The following LY9 variants were observed in gnomAD, a reference collection of about 807,000 sequenced individuals.
LY9 encodes lymphocyte antigen 9.
LY9 carries 59 observed loss-of-function variants against 64.6 expected under a neutral mutation model. The observed-to-expected ratio is 0.91, with a 90% CI of 0.74 to 1.13. The LOEUF (loss-of-function observed/expected upper bound fraction) is 1.13, where lower values mean the gene tolerates loss of function less well. Ranked by LOEUF, LY9 falls within the 50% of genes most tolerant of loss-of-function variation. The pLI, the probability that LY9 is intolerant of heterozygous loss-of-function variation, is 0.00. For missense variants in LY9, 789 were observed against 797.2 expected (o/e 0.99, Z 0.12); for synonymous variants, 281 against 308.5 (o/e 0.91, Z 0.93).
At chr1:160,825,423 G>T (rs1668798098) in intron 9 of LY9, among the ~76,000 whole-genome samples, 1 of 152,156 alleles carries the variant, frequency 6.6e-6, no homozygotes, top group African/African-American at 2.4e-5. Flanking sequence ...AGGTGACAAA[G>T]ATAGTACTTG....
intron 6 of LY9, among the ~76,000 whole-genome samples, chr1:160,818,786 TA>T (rs1388827187): frequency 6.6e-6 from 1 of 152,132 alleles, no homozygotes. Context: ...CCACACATAC[TA>T]ACAGCTCCGA....
At chr1:160,804,536 C>T (rs1470663997) in intron 2 of LY9, among the ~76,000 whole-genome samples, 1 of 151,702 alleles carries the variant, frequency 6.6e-6, no homozygotes, top group East Asian at 1.9e-4. Flanking sequence ...GGAATATTGG[C>T]CTGTAGTTTT....
chr1:160,800,056 A>G lies in LY9; in HGVS notation c.428A>G (p.Glu143Gly). The G allele has an allele frequency of 6.2e-7, 1 of 1,613,902 alleles. No homozygotes were observed. Among genetic ancestry groups the G allele is most frequent in the Non-Finnish European group, 8.5e-7 (1 of 1,179,784 alleles). The change falls in exon 2 of 10, where the codon GAG becomes GGG. Residue 143 changes from glutamate (E) to glycine (G), a missense_variant. Glu to Gly is a moderately conservative substitution (Grantham distance 98). Coordinates refer to ENST00000263285, the MANE Select transcript of LY9 (RefSeq NM_002348.4). ...CAAAGGAATTTTGAAGTCACCACTG[A>G]GGAGGAATTCACCCTGTTCGTCTAT... Reference protein sequence around the residue: ...INQRNFEVTTEEEFTLFVYEQ... With the variant: ...INQRNFEVTTGEEFTLFVYEQ...
At position 160,814,447 on chromosome 1, in the gene LY9, C is replaced by CG; in HGVS notation, c.763dup (p.Glu255GlyfsTer31). 4 of 1,612,654 alleles carry CG rather than the reference C, an allele frequency of 2.5e-6. No individual in the cohort carries two copies. Among genetic ancestry groups the CG allele is most frequent in the Non-Finnish European group, 3.4e-6 (4 of 1,179,208 alleles). ...CCAGGAGCCTCCAGAGGAGGAACAA[C>CG]GGGGGAGACTGTGGTAGGGGTCCTG... On this transcript the variant is annotated frameshift_variant, in exon 4 of 10. Transcript: ENST00000263285. LOFTEE classifies it high-confidence loss of function.
chr1:160,814,078 G>T (rs993293056), intron 3 of LY9, among the ~76,000 whole-genome samples, 167 bp downstream of exon 3: 2 of 152,222 alleles, frequency 1.3e-5, no homozygotes, highest in African/African-American at 2.4e-5. Context: ...AGGCTGGCAG[G>T]ACTTGGGAAA....
chr1:160,817,947 T>C (rs1314353503), intron 5 of LY9, among the ~76,000 whole-genome samples: 1 of 152,148 alleles, frequency 6.6e-6, no homozygotes, highest in African/African-American at 2.4e-5. Context: ...GGATCTGCAC[T>C]CGAACCTCAG....
At chr1:160,811,698 C>T (rs2101788932) in intron 2 of LY9, 1 of 152,316 alleles carries the variant, frequency 6.6e-6, no homozygotes, top group African/African-American at 2.4e-5. Context: ...TTTCCAGTAA[C>T]ATATTTCTAA....
At chr1:160,818,669 A>G (rs1177227589) in intron 6 of LY9, among the ~76,000 whole-genome samples, 1 of 152,054 alleles carries the variant, frequency 6.6e-6, no homozygotes, top group East Asian at 1.9e-4. Flanking sequence ...TTTCATCTCT[A>G]CTGTGTATTT....
intron 9 of LY9, 105 bp from the exon 10 acceptor site, chr1:160,827,643 C>T (rs1306911923): frequency 2.4e-6 from 2 of 838,626 alleles, no homozygotes; most frequent in Non-Finnish European, 3.7e-6. Flanking sequence ...GACTCTACTT[C>T]TGTAGGATGG....
At chr1:160,814,924 C>T (rs1463936095) in intron 4 of LY9, 163 bp downstream of exon 4, 3 of 628,076 alleles carry the variant, frequency 4.8e-6, no homozygotes, top group African/African-American at 1.8e-5. Context: ...TCATAGGAGG[C>T]AAACTCATGA....
At chr1:160,813,265 G>A (rs938868724) in intron 2 of LY9, 4 of 232,492 alleles carry the variant, frequency 1.7e-5, no homozygotes, top group African/African-American at 4.5e-5. Context: ...ACTCCATAGC[G>A]TTTGGGGCTG....
chr1:160,807,067 A>G (rs979216000), intron 2 of LY9, among the ~76,000 whole-genome samples: 1 of 152,186 alleles, frequency 6.6e-6, no homozygotes, highest in Admixed American at 6.5e-5. Flanking sequence ...CTTCAATTCC[A>G]GAATTCTATT....
At chr1:160,797,840 C>T (rs2101727502) in intron 1 of LY9, among the ~76,000 whole-genome samples, 1 of 141,780 alleles carries the variant, frequency 7.1e-6, no homozygotes, top group African/African-American at 2.7e-5. Flanking sequence ...ATGCAACACT[C>T]TTACAGATTG....
At chr1:160,815,212 C>T (rs1348482631) in intron 4 of LY9, 14 of 160,196 alleles carry the variant, frequency 8.7e-5, no homozygotes, top group Admixed American at 1.8e-4. Context: ...CGGTGGTGGG[C>T]GCCTGTAATC....
chr1:160,816,525 T>C (rs1667957935), intron 4 of LY9, 69 bp from the exon 5 acceptor site: 2 of 1,475,438 alleles, frequency 1.4e-6, no homozygotes, highest in African/African-American at 1.4e-5. Context: ...ATATTTTCAA[T>C]GAATGAAGAC....
chr1:160,808,682 T>A (rs1667206034), intron 2 of LY9, among the ~76,000 whole-genome samples: 1 of 152,248 alleles, frequency 6.6e-6, no homozygotes, highest in Non-Finnish European at 1.5e-5. Context: ...TAGTGTTTCC[T>A]GTCACATCTC....
At chr1:160,820,444 A>G (rs492906) in intron 7 of LY9, among the ~76,000 whole-genome samples, 88,587 of 151,702 alleles carry the variant, frequency 0.58, 26,521 homozygotes, top group South Asian at 0.75. Flanking sequence ...AAATAAAACT[A>G]TATGTCACCC....
intron 2 of LY9, among the ~76,000 whole-genome samples, chr1:160,800,963 G>A (rs533707683): frequency 2.6e-5 from 4 of 151,994 alleles, no homozygotes; most frequent in African/African-American, 4.8e-5. Flanking sequence ...CCATTCTTCC[G>A]CTAAGGGACA....
At chr1:160,814,225 C>A (rs539818234) in intron 3 of LY9, among the ~76,000 whole-genome samples, 195 bp from the exon 4 acceptor site, 2 of 152,152 alleles carry the variant, frequency 1.3e-5, no homozygotes, top group African/African-American at 4.8e-5. Flanking sequence ...ACATGAGAGT[C>A]CAAGTATTCA....
Sources: allele counts gnomAD v4.1 joint callset (sites outside exome capture counted in the v4.1 genomes callset), GRCh38; gene constraint gnomAD v4.1.1; transcripts MANE v1.5; gene names NCBI Gene and HGNC (gene_info 2026-07-23, HGNC 2026-07-21).